FRMD6: variants seen among roughly 807,000 people sequenced by gnomAD.
FRMD6 encodes the protein FERM domain-containing protein 6.
In FRMD6, 37 loss-of-function variants were observed where a neutral mutation model predicts 73.2. The ratio of observed to expected loss-of-function variants is 0.51; its 90% CI spans 0.39 to 0.66. FRMD6 has a LOEUF of 0.66. Ranked by LOEUF, FRMD6 falls within the 30% of genes least tolerant of loss-of-function variation. The pLI is 0.00. For synonymous variants in FRMD6, 273 were observed against 282.2 expected, an observed-to-expected ratio of 0.97 and a Z score of 0.33; for missense variants, 714 against 780.5, an observed-to-expected ratio of 0.91 and a Z score of 1.02.
the FRMD6 span, among the ~76,000 whole-genome samples, chr14:51,455,399 G>A: frequency 3.3e-5 from 5 of 152,206 alleles, no homozygotes; most frequent in Admixed American, 6.5e-5. Context: ...GACTGCTCTT[G>A]TCATTGTGGT....
chr14:51,642,907 G>A (rs1891875463), intron 2 of FRMD6, among the ~76,000 whole-genome samples: 2 of 152,140 alleles, frequency 1.3e-5, no homozygotes, highest in African/African-American at 4.8e-5. Flanking sequence ...GGGGAGCAGG[G>A]GATACAGAGC....
intron 1 of FRMD6, among the ~76,000 whole-genome samples, chr14:51,679,149 A>G (rs921525704): frequency 1.8e-4 from 27 of 152,052 alleles, no homozygotes; most frequent in Non-Finnish European, 2.8e-4. Flanking sequence ...ATTGTGGGGG[A>G]TGGCTTTAAG....
intron 1 of FRMD6, among the ~76,000 whole-genome samples, chr14:51,541,861 G>A (rs150880559): frequency 1.2e-4 from 18 of 152,094 alleles, no homozygotes; most frequent in African/African-American, 4.1e-4. Context: ...GTTGTGAATG[G>A]TTTCCCATAT....
chr14:51,726,783 TG>T (rs1228202165), intron 13 of FRMD6, among the ~76,000 whole-genome samples: 2 of 152,166 alleles, frequency 1.3e-5, no homozygotes, highest in Non-Finnish European at 2.9e-5. Flanking sequence ...TGTTGGAGTC[TG>T]GGAAGACAGC....
At chr14:51,413,051 C>T in the FRMD6 span, among the ~76,000 whole-genome samples, 4 of 145,180 alleles carry the variant, frequency 2.8e-5, no homozygotes, top group African/African-American at 5.2e-5. Context: ...AGCGCAGTGG[C>T]GTGATCTCAA....
chr14:51,606,298 C>T (rs544198229), intron 2 of FRMD6, among the ~76,000 whole-genome samples: 68 of 152,208 alleles, frequency 4.5e-4, no homozygotes, highest in Non-Finnish European at 8.2e-4. Flanking sequence ...CACAGCCATA[C>T]GTACAACAAG....
intron 2 of FRMD6, among the ~76,000 whole-genome samples, chr14:51,602,051 C>T (rs975148922): frequency 6.2e-5 from 7 of 112,578 alleles, no homozygotes; most frequent in South Asian, 3.0e-4. Flanking sequence ...CCCAACATTC[C>T]GTTAGCCTCA....
chr14:51,419,407 A>G, the FRMD6 span, among the ~76,000 whole-genome samples: 1 of 152,182 alleles, frequency 6.6e-6, no homozygotes, highest in Non-Finnish European at 1.5e-5. Context: ...CTGTAATTCC[A>G]AAGTGCTGGG....
chr14:51,636,417 G>C (rs913534780), intron 2 of FRMD6, among the ~76,000 whole-genome samples: 1 of 152,124 alleles, frequency 6.6e-6, no homozygotes, highest in African/African-American at 2.4e-5. Flanking sequence ...CTGCCTGACT[G>C]TTGGTCCATA....
chr14:51,500,046 A>G (rs185247258), intron 1 of FRMD6, among the ~76,000 whole-genome samples: 1 of 152,240 alleles, frequency 6.6e-6, no homozygotes, highest in East Asian at 1.9e-4. Flanking sequence ...AAGACTTACG[A>G]TTTTGCGAAG....
chr14:51,511,870 T>TATAATAATAATAATAATAATA (rs147559656), intron 1 of FRMD6, among the ~76,000 whole-genome samples: 10 of 150,216 alleles, frequency 6.7e-5, no homozygotes, highest in African/African-American at 2.4e-4. Context: ...GAACTTAAAG[T>TATAATAATAATAATAATAATA]ATAATAATAA....
chr14:51,703,976 C>T (rs1198852398), intron 5 of FRMD6, among the ~76,000 whole-genome samples: 1 of 152,006 alleles, frequency 6.6e-6, no homozygotes, highest in Non-Finnish European at 1.5e-5. Context: ...CATGTTTTCC[C>T]CAGTCAGCAT....
At chr14:51,702,380 C>G (rs902073144) in intron 4 of FRMD6, 132 bp from the exon 5 acceptor site, 5 of 707,946 alleles carry the variant, frequency 7.1e-6, no homozygotes, top group East Asian at 2.5e-5. Flanking sequence ...CAAGCCCCTA[C>G]TCATTATAAG....
chr14:51,557,314 A>G (rs1449355812), intron 1 of FRMD6, among the ~76,000 whole-genome samples: 1 of 152,178 alleles, frequency 6.6e-6, no homozygotes, highest in Admixed American at 6.5e-5. Flanking sequence ...CAGCCTTTAA[A>G]GAGAAGAAGG....
chr14:51,645,124 C>T (rs1332204798), intron 2 of FRMD6, among the ~76,000 whole-genome samples: 1 of 152,208 alleles, frequency 6.6e-6, no homozygotes, highest in African/African-American at 2.4e-5. Flanking sequence ...AATCTAACCA[C>T]TACCTTGCCT....
chr14:51,685,675 T>G (rs1028495820), intron 1 of FRMD6, among the ~76,000 whole-genome samples: 1 of 152,234 alleles, frequency 6.6e-6, no homozygotes, highest in Non-Finnish European at 1.5e-5. Context: ...ATCCATTATA[T>G]CTTCCTTTGA....
intron 1 of FRMD6, among the ~76,000 whole-genome samples, chr14:51,674,337 A>G (rs948450394): frequency 6.6e-6 from 1 of 152,180 alleles, no homozygotes; most frequent in Admixed American, 6.5e-5. Flanking sequence ...AATCAGAGAT[A>G]AGGTGATTCC....
chr14:51,527,794 GT>G (rs1885346749), intron 1 of FRMD6, among the ~76,000 whole-genome samples: 1 of 152,168 alleles, frequency 6.6e-6, no homozygotes, highest in African/African-American at 2.4e-5. Context: ...GAGACAGATG[GT>G]GAGGCATACA....
At chr14:51,429,345 A>T in the FRMD6 span, among the ~76,000 whole-genome samples, 1 of 152,188 alleles carries the variant, frequency 6.6e-6, no homozygotes, top group Non-Finnish European at 1.5e-5. Flanking sequence ...GCAGCAGTAG[A>T]TAATCAGAAC....
Sources: gnomAD v4.1 joint callset for allele counts (sites outside exome capture counted in the v4.1 genomes callset) on GRCh38, gnomAD v4.1.1 for gene constraint, MANE v1.5 for transcripts, NCBI Gene and HGNC (gene_info 2026-07-23, HGNC 2026-07-21) for gene names.